Variants in PAPSS2 observed in about 807,000 individuals in gnomAD.
PAPSS2 encodes the protein bifunctional 3'-phosphoadenosine 5'-phosphosulfate synthase 2.
In PAPSS2, 61 loss-of-function variants were observed where a neutral mutation model predicts 66.5. The ratio of observed to expected loss-of-function variants is 0.92; its 90% CI spans 0.75 to 1.14. PAPSS2 has a LOEUF of 1.14. Ranked by LOEUF, PAPSS2 falls within the 50% of genes most tolerant of loss-of-function variation. The probability of loss-of-function intolerance (pLI) is 0.00; values close to 1 mark genes in which losing one functional copy is unlikely to be tolerated. For synonymous variants in PAPSS2, 289 were observed against 287.5 expected, an observed-to-expected ratio of 1.01 and a Z score of -0.05; for missense variants, 708 against 789.6, an observed-to-expected ratio of 0.90 and a Z score of 1.24.
In PAPSS2 at chr10:87,715,135, A is replaced by G. The variant is rs756716568; in HGVS notation, c.753+37A>G. On this transcript the variant is annotated intron_variant, in intron 6 of 12. Coordinates refer to ENST00000456849, the MANE Select transcript of PAPSS2 (RefSeq NM_001015880.2). The stretch of plus-strand genomic sequence containing the variant: ...CAGACTGGTCAAATAATTAGGCTTA[A>G]TATCAGTCATTATAATTTATTTACA... 4.0e-6 allele frequency: 4 copies of G among 1,002,462 alleles called. No individual in the cohort carries two copies. The Admixed American group carries it at 5.1e-5, about 13-fold the overall frequency. 62.1% of individuals were successfully genotyped at this position (1,002,462 alleles called of 1,614,324 possible).
At chr10:87,697,145 AG>A (rs1399988176) in intron 1 of PAPSS2, among the ~76,000 whole-genome samples, 1 of 152,068 alleles carries the variant, frequency 6.6e-6, no homozygotes, top group African/African-American at 2.4e-5. Context: ...GACAGTTTTG[AG>A]GAGTACAGGT....
rs2131899455 is a variant in PAPSS2, at chr10:87,674,904, C to T, written c.27+14896C>T. ...CATAGGCGACCATAGGGGTTTTTGA[C>T]TCCAAAAAGGGTAAGAAACCTCCAT... On this transcript the variant is annotated intron_variant, in intron 1 of 12. Coordinates refer to ENST00000456849, the MANE Select transcript of PAPSS2 (RefSeq NM_001015880.2). Among the ~76,000 whole-genome samples the T allele has an allele frequency of 1.3e-5, 2 of 152,284 alleles. 1 individual carries two copies. The highest frequency in any genetic ancestry group is 4.1e-4 in the South Asian group (2 of 4,828).
chr10:87,731,386 C>G (rs1484899821), intron 9 of PAPSS2, among the ~76,000 whole-genome samples: 1 of 152,216 alleles, frequency 6.6e-6, no homozygotes, highest in African/African-American at 2.4e-5. Context: ...CCCAAGAACT[C>G]TGAGGAAGAT....
chr10:87,706,835 A>T (rs1342246439), intron 1 of PAPSS2, among the ~76,000 whole-genome samples: 2 of 152,166 alleles, frequency 1.3e-5, no homozygotes, highest in African/African-American at 4.8e-5. Flanking sequence ...ATACTGCTAG[A>T]CTATCTCATG....
chr10:87,727,880 A>G (rs989519124), intron 9 of PAPSS2, among the ~76,000 whole-genome samples: 1 of 152,238 alleles, frequency 6.6e-6, no homozygotes, highest in African/African-American at 2.4e-5. Context: ...AAGTATCTTC[A>G]TAAAGAATGG....
At chr10:87,744,402 C>T (rs779937047) in intron 11 of PAPSS2, among the ~76,000 whole-genome samples, 2 of 152,178 alleles carry the variant, frequency 1.3e-5, no homozygotes, top group Admixed American at 6.5e-5. Context: ...TTTGAACGAG[C>T]TGGCTGCAAG....
At chr10:87,683,038 A>G (rs937963187) in intron 1 of PAPSS2, among the ~76,000 whole-genome samples, 2 of 148,792 alleles carry the variant, frequency 1.3e-5, no homozygotes, top group African/African-American at 5.0e-5. Context: ...GTTCACAACT[A>G]TTTCTTTCTT....
Position 87,747,329 on chromosome 10 carries a change from T to C in PAPSS2, c.*1359T>C, listed in dbSNP as rs1408207629. 1 of 152,196 alleles carries C rather than the reference T, an allele frequency of 6.6e-6. No individual in the cohort carries two copies. The highest frequency in any genetic ancestry group is 6.5e-5 in the Admixed American group (1 of 15,282). The allele number at this position is 152,196 out of a possible 1,614,324, so 9.4% of individuals were successfully genotyped here. A position where few individuals can be genotyped will look rare whatever the true frequency, so the allele number is the denominator to read the frequency against. Reference sequence around the variant, plus strand: ...TGAAGAAACAGCACCTTTTAATATATAGGTCTCTCTGGAAGAGACCTAAAT... The same window carrying C: ...TGAAGAAACAGCACCTTTTAATATACAGGTCTCTCTGGAAGAGACCTAAAT... On this transcript the variant is annotated 3_prime_UTR_variant, in exon 13 of 13. Coordinates refer to ENST00000456849, the MANE Select transcript of PAPSS2 (RefSeq NM_001015880.2).
intron 9 of PAPSS2, among the ~76,000 whole-genome samples, chr10:87,737,639 A>G (rs1461623150): frequency 6.6e-6 from 1 of 152,026 alleles, no homozygotes; most frequent in Non-Finnish European, 1.5e-5. Context: ...TGGTTATCAT[A>G]GTGAGAACCT....
Position 87,665,401 on chromosome 10 carries a change from C to T in PAPSS2, c.27+5393C>T, listed in dbSNP as rs184240767. On this transcript the variant is annotated intron_variant, in intron 1 of 12. Transcript: ENST00000456849. ...TAACTTTTTGTATTTTTAGTAGAGA[C>T]GGGGTTTCACCGCGTTAACCAGGAT... Among the ~76,000 whole-genome samples the T allele has an allele frequency of 5.6e-3, 849 of 152,186 alleles. 2 individuals carry two copies. The highest frequency in any genetic ancestry group is 8.9e-3 in the Non-Finnish European group (607 of 67,988).
chr10:87,710,677 T>A (rs1212720716), intron 2 of PAPSS2, among the ~76,000 whole-genome samples: 1 of 152,138 alleles, frequency 6.6e-6, no homozygotes, highest in Middle Eastern at 3.2e-3. Flanking sequence ...TATTTCTTCA[T>A]TAGAGGAAGA....
At chr10:87,721,814 A>G (rs1294385983) in intron 8 of PAPSS2, 44 bp downstream of exon 8, 3 of 1,106,548 alleles carry the variant, frequency 2.7e-6, no homozygotes, top group South Asian at 1.5e-5. Context: ...TTATAATTAT[A>G]TATGTTAAAT....
chr10:87,722,441 G>A (rs1025170207), intron 8 of PAPSS2, among the ~76,000 whole-genome samples: 2 of 152,112 alleles, frequency 1.3e-5, no homozygotes, highest in African/African-American at 2.4e-5. Flanking sequence ...AGTAATTTAG[G>A]TTTTGCACAG....
chr10:87,714,679 C>A, intron 4 of PAPSS2, 66 bp from the exon 5 acceptor site: 1 of 957,620 alleles, frequency 1.0e-6, no homozygotes, highest in Non-Finnish European at 1.7e-6. Flanking sequence ...ATGTGTTTTG[C>A]CTTATTGATT....
At chr10:87,711,770 G>T (rs974621318) in intron 2 of PAPSS2, among the ~76,000 whole-genome samples, 14 of 151,768 alleles carry the variant, frequency 9.2e-5, no homozygotes, top group African/African-American at 3.1e-4. Flanking sequence ...TCCTTCCTCT[G>T]TCTGTCCTTC....
At chr10:87,701,295 T>TTTTC (rs1853303123) in intron 1 of PAPSS2, among the ~76,000 whole-genome samples, 1 of 150,796 alleles carries the variant, frequency 6.6e-6, no homozygotes, top group South Asian at 2.1e-4. Flanking sequence ...TTTCTTTCTT[T>TTTTC]CTTTTTTCCT....
At chr10:87,695,373 T>C (rs569144326) in intron 1 of PAPSS2, among the ~76,000 whole-genome samples, 13 of 152,314 alleles carry the variant, frequency 8.5e-5, no homozygotes, top group African/African-American at 2.9e-4. Context: ...ACATTAGGCA[T>C]TATGTTTTTC....
chr10:87,715,210 T>C, intron 6 of PAPSS2, 112 bp downstream of exon 6: 1 of 709,274 alleles, frequency 1.4e-6, no homozygotes, highest in Non-Finnish European at 2.6e-6. Flanking sequence ...ATAATGTCCA[T>C]AAATAAAACA....
chr10:87,739,904 A>G (rs1402771048), intron 9 of PAPSS2, among the ~76,000 whole-genome samples: 1 of 152,214 alleles, frequency 6.6e-6, no homozygotes, highest in African/African-American at 2.4e-5. Context: ...TCTTTTTAGT[A>G]TTCCATTACA....
Sources: gnomAD v4.1 joint callset for allele counts (sites outside exome capture counted in the v4.1 genomes callset) on GRCh38, gnomAD v4.1.1 for gene constraint, MANE v1.5 for transcripts, NCBI Gene and HGNC (gene_info 2026-07-23, HGNC 2026-07-21) for gene names.